The following XKR6 variants were observed in gnomAD, a reference collection of about 807,000 sequenced individuals.
XKR6 encodes the protein XK-related protein 6.
Under a neutral mutation model 56.7 loss-of-function variants are expected in XKR6, and 22 were observed. The observed-to-expected ratio is 0.39, with a 90% confidence interval of 0.28 to 0.55. The LOEUF is 0.55. Among genes scored for constraint, XKR6 ranks in the 20% least tolerant of loss-of-function variants. The pLI, the probability that XKR6 is intolerant of heterozygous loss-of-function variation, is 0.66. For missense variants in XKR6, 852 were observed against 889.0 expected (o/e 0.96, Z 0.53); for synonymous variants, 524 against 387.8 (o/e 1.35, Z -4.13).
At chr8:10,924,931 C>A (rs1800835870) in intron 1 of XKR6, 101 bp from the exon 2 acceptor site, 3 of 1,308,908 alleles carry the variant, frequency 2.3e-6, no homozygotes, top group Admixed American at 2.2e-5. Context: ...AGCATCCCCC[C>A]AACTCCCTAT....
chr8:10,986,177 G>C (rs949208818), intron 1 of XKR6, among the ~76,000 whole-genome samples: 2 of 152,196 alleles, frequency 1.3e-5, no homozygotes, highest in African/African-American at 2.4e-5. Context: ...CTTCAAATCA[G>C]AGGAGTAGAT....
At position 11,089,366 on chromosome 8, in the gene XKR6, C is replaced by T. The variant is rs568293429; in HGVS notation, c.764+111210G>A. ...AATGAAGTAGTCTGGGCCAGTGGCTCATGCCTGTAATCCTAGTGTTTTAGT... is the reference window on the plus strand; with the variant it reads ...AATGAAGTAGTCTGGGCCAGTGGCTTATGCCTGTAATCCTAGTGTTTTAGT... On this transcript the variant is annotated intron_variant, in intron 1 of 2. Transcript: ENST00000416569. Among the ~76,000 whole-genome samples the T allele has an allele frequency of 2.2e-4, 33 of 152,318 alleles. 1 individual carries two copies. The South Asian group carries it at 6.2e-3, about 29-fold the overall frequency.
intron 1 of XKR6, among the ~76,000 whole-genome samples, chr8:11,114,725 A>ATGTGTGTGTGTGTGTGTGTG (rs1491486493): frequency 2.6e-5 from 2 of 77,628 alleles, no homozygotes; most frequent in African/African-American, 1.1e-4. Context: ...CTTAGATCAC[A>ATGTGTGTGTGTGTGTGTGTG]TATGTGTGTG....
intron 1 of XKR6, among the ~76,000 whole-genome samples, chr8:11,189,407 G>A (rs1380982807): frequency 6.6e-6 from 1 of 152,118 alleles, no homozygotes; most frequent in East Asian, 1.9e-4. Flanking sequence ...TGTCTTTCCT[G>A]CATTCTAAAT....
In XKR6 at chr8:10,912,837, G is replaced by T. The variant is rs193191100; in HGVS notation, c.961+11797C>A. 1.2e-3 allele frequency among the ~76,000 whole-genome samples: 173 copies of T among 143,314 alleles called. 1 individual carries two copies. The Middle Eastern group carries it at 0.016, about 13-fold the overall frequency. The allele number at this position is 143,314 out of a possible 152,430, so 94.0% of individuals were successfully genotyped here. On this transcript the variant is annotated intron_variant, in intron 2 of 2. Coordinates refer to ENST00000416569, the MANE Select transcript of XKR6 (RefSeq NM_173683.4). The stretch of plus-strand genomic sequence containing the variant: ...GAGTATATATACATATATATATATA[G>T]AGAGAGAAAGAGATAGGGTGTGTGT...
chr8:11,066,091 T>G (rs1170575994), intron 1 of XKR6, among the ~76,000 whole-genome samples: 2 of 152,178 alleles, frequency 1.3e-5, no homozygotes, highest in Non-Finnish European at 2.9e-5. Context: ...GCGTTTTCCG[T>G]TGCTTCAGTT....
intron 1 of XKR6, among the ~76,000 whole-genome samples, chr8:10,938,640 G>A (rs1278416647): frequency 7.2e-5 from 11 of 152,174 alleles, no homozygotes; most frequent in Admixed American, 6.5e-5. Flanking sequence ...ATGATATTCT[G>A]CAAGGCCAGA....
intron 1 of XKR6, among the ~76,000 whole-genome samples, chr8:11,015,942 G>A (rs895175860): frequency 4.6e-5 from 7 of 152,100 alleles, no homozygotes; most frequent in Non-Finnish European, 1.0e-4. Context: ...CGACTCCTGC[G>A]GACTCGGCTG....
chr8:11,121,546 A>G (rs1799454256), intron 1 of XKR6, among the ~76,000 whole-genome samples: 1 of 152,214 alleles, frequency 6.6e-6, no homozygotes, highest in Non-Finnish European at 1.5e-5. Context: ...CAGGTGCTGG[A>G]GAGGATGTGG....
intron 1 of XKR6, among the ~76,000 whole-genome samples, chr8:10,972,933 A>G (rs891769581): frequency 2.0e-5 from 3 of 152,208 alleles, no homozygotes; most frequent in Admixed American, 6.5e-5. Context: ...TCCTGTGCAC[A>G]GGTTGTAAGG....
In XKR6 at chr8:11,200,568, G is replaced by A; in HGVS notation, c.764+8C>T. 2.0e-6 allele frequency: 3 copies of A among 1,479,718 alleles called. No homozygotes were observed. The highest frequency in any genetic ancestry group is 2.6e-5 in the Admixed American group (1 of 37,940). The allele number at this position is 1,479,718 out of a possible 1,614,324, so 91.7% of individuals were successfully genotyped here. On this transcript the variant is annotated splice_region_variant and intron_variant, in intron 1 of 2. Transcript: ENST00000416569. The surrounding 1 kb of genome is among the most constrained non-coding windows in gnomAD (Gnocchi z 6.4). ...GGCCGGCCCGCCCCCACCCCGCAGT[G>A]CTCTTACCTCCACACCTGCCCCATC... is the stretch of plus-strand genomic sequence containing the variant.
At chr8:10,975,655 T>G (rs890882959) in intron 1 of XKR6, among the ~76,000 whole-genome samples, 3 of 152,180 alleles carry the variant, frequency 2.0e-5, no homozygotes, top group Non-Finnish European at 2.9e-5. Flanking sequence ...AGTGAGATTT[T>G]CAATTAAAGG....
intron 1 of XKR6, among the ~76,000 whole-genome samples, chr8:11,134,125 T>G (rs1386309961): frequency 6.6e-6 from 1 of 152,216 alleles, no homozygotes; most frequent in Non-Finnish European, 1.5e-5. Flanking sequence ...ACTCTTACAC[T>G]CTACATTCAA....
chr8:11,063,290 G>C (rs1187130064), intron 1 of XKR6, among the ~76,000 whole-genome samples: 2 of 150,264 alleles, frequency 1.3e-5, no homozygotes, highest in African/African-American at 4.9e-5. Flanking sequence ...ACAAATCAAA[G>C]TTAAAAAAAT....
chr8:11,014,557 A>G (rs957019258), intron 1 of XKR6, among the ~76,000 whole-genome samples: 1 of 152,188 alleles, frequency 6.6e-6, no homozygotes, highest in Non-Finnish European at 1.5e-5. Context: ...TTCCCCCAAC[A>G]GCTTTTCAGC....
At chr8:11,114,533 G>C (rs777885065) in intron 1 of XKR6, among the ~76,000 whole-genome samples, 1 of 152,104 alleles carries the variant, frequency 6.6e-6, no homozygotes, top group Non-Finnish European at 1.5e-5. Context: ...GCTAATTCTT[G>C]TATTTTTAGT....
At chr8:10,918,432 T>C (rs1800622738) in intron 2 of XKR6, among the ~76,000 whole-genome samples, 1 of 144,958 alleles carries the variant, frequency 6.9e-6, no homozygotes, top group Non-Finnish European at 1.5e-5. Context: ...CATGCACACA[T>C]GTGTGTACTG....
intron 1 of XKR6, among the ~76,000 whole-genome samples, chr8:11,063,512 G>A (rs1799897941): frequency 1.0e-5 from 1 of 99,512 alleles, no homozygotes; most frequent in Admixed American, 9.3e-5. Context: ...GCAAGGCCCT[G>A]TCTCAAAAAA....
intron 1 of XKR6, among the ~76,000 whole-genome samples, chr8:11,024,804 G>A (rs1245852177): frequency 2.6e-5 from 4 of 152,352 alleles, no homozygotes; most frequent in Non-Finnish European, 5.9e-5. Context: ...ACTAGCAGAC[G>A]GCTGCAAAAC....
Sources: allele counts gnomAD v4.1 joint callset (sites outside exome capture counted in the v4.1 genomes callset), GRCh38; gene constraint gnomAD v4.1.1; non-coding constraint Gnocchi (gnomAD v3.1); transcripts MANE v1.5; gene names NCBI Gene and HGNC (gene_info 2026-07-23, HGNC 2026-07-21).